CSNK2A2: variants seen among roughly 807,000 people sequenced by gnomAD.
The protein encoded by CSNK2A2 is casein kinase II subunit alpha'.
Under a neutral mutation model 54.0 loss-of-function variants are expected in CSNK2A2, and 8 were observed. The ratio of observed to expected loss-of-function variants is 0.15; its 90% CI spans 0.09 to 0.27. The LOEUF is 0.27. Among genes scored for constraint, CSNK2A2 ranks in the 10% least tolerant of loss-of-function variants. The probability of loss-of-function intolerance (pLI) is 1.00; values close to 1 mark genes in which losing one functional copy is unlikely to be tolerated. For missense variants in CSNK2A2, 242 were observed against 439.4 expected (o/e 0.55, Z 4.02); for synonymous variants, 141 against 153.9 (o/e 0.92, Z 0.62).
intron 5 of CSNK2A2, among the ~76,000 whole-genome samples, chr16:58,173,227 G>C (rs759732590): frequency 6.6e-6 from 1 of 152,174 alleles, no homozygotes; most frequent in African/African-American, 2.4e-5. Context: ...TCGTGTTTCT[G>C]ATCTTACTGA....
At chr16:58,175,660 T>C (rs980698612) in intron 4 of CSNK2A2, among the ~76,000 whole-genome samples, 3 of 152,202 alleles carry the variant, frequency 2.0e-5, no homozygotes, top group Admixed American at 2.0e-4. Flanking sequence ...ATATTTTTGA[T>C]CCACATATAA....
chr16:58,165,753 CAAG>C lies in CSNK2A2; in HGVS notation c.828-48_828-46del, dbSNP rs1231829101. 3.2e-6 allele frequency: 5 copies of C among 1,584,288 alleles called. No individual in the cohort carries two copies. In the South Asian group the frequency reaches 3.5e-5, roughly 11 times the overall value. The stretch of plus-strand genomic sequence containing the variant: ...ATTAGTAACCAGAGACTAAATTCAA[CAAG>C]AATCCTTATCTACTAGGGCTAAAGC... On this transcript the variant is annotated intron_variant, in intron 9 of 11. Coordinates refer to ENST00000262506, the MANE Select transcript of CSNK2A2 (RefSeq NM_001896.4).
chr16:58,164,245 G>T, intron 10 of CSNK2A2, 98 bp from the exon 11 acceptor site: 2 of 1,095,352 alleles, frequency 1.8e-6, no homozygotes, highest in South Asian at 1.4e-5. Context: ...GAGACAGACT[G>T]ATGGGCAAGC....
intron 9 of CSNK2A2, 57 bp from the exon 10 acceptor site, chr16:58,165,765 T>C (rs1256594199): frequency 6.4e-7 from 1 of 1,565,552 alleles, no homozygotes; most frequent in Admixed American, 1.8e-5. Flanking sequence ...AGAATCCTTA[T>C]CTACTAGGGC....
chr16:58,167,968 C>G (rs1597110647), intron 6 of CSNK2A2, among the ~76,000 whole-genome samples, 173 bp from the exon 7 acceptor site: 2 of 152,280 alleles, frequency 1.3e-5, no homozygotes, highest in African/African-American at 4.8e-5. Flanking sequence ...ATTTTTAGAG[C>G]AGAACACTTG....
chr16:58,197,574 G>A lies in CSNK2A2; in HGVS notation c.104+59C>T, dbSNP rs983201321. 2.4e-6 allele frequency: 3 copies of A among 1,255,790 alleles called. No individual in the cohort carries two copies. Among genetic ancestry groups the A allele is most frequent in the Admixed American group, 4.5e-5 (2 of 44,892 alleles). 77.8% of individuals were successfully genotyped at this position (1,255,790 alleles called of 1,614,324 possible). A position where few individuals can be genotyped will look rare whatever the true frequency, so the allele number is the denominator to read the frequency against. ...CACCGGGCCCGAGTGCGGTTCGCAG[G>A]GGGTGGCCGGGCGGGGGCAGGGATC... On this transcript the variant is annotated intron_variant, in intron 1 of 11. Coordinates refer to ENST00000262506, the MANE Select transcript of CSNK2A2 (RefSeq NM_001896.4). The surrounding 1 kb of genome is among the most constrained non-coding windows in gnomAD (Gnocchi z 4.0).
intron 4 of CSNK2A2, among the ~76,000 whole-genome samples, chr16:58,181,018 A>G (rs1962025074): frequency 1.3e-5 from 2 of 152,212 alleles, no homozygotes; most frequent in Admixed American, 1.3e-4. Context: ...AAAAATACAC[A>G]TCTGCCATCT....
At position 58,169,095 on chromosome 16, in the gene CSNK2A2, T is replaced by C. The variant is rs148480106; in HGVS notation, c.430-402A>G. 7.7e-3 allele frequency among the ~76,000 whole-genome samples: 1,084 copies of C among 140,716 alleles called. 13 individuals are homozygous for C. The highest frequency in any genetic ancestry group is 0.028 in the African/African-American group (1,005 of 35,878). The allele number at this position is 140,716 out of a possible 152,430, so 92.3% of individuals were successfully genotyped here. A position where few individuals can be genotyped will look rare whatever the true frequency, so the allele number is the denominator to read the frequency against. On this transcript the variant is annotated intron_variant, in intron 5 of 11. Coordinates refer to ENST00000262506, the MANE Select transcript of CSNK2A2 (RefSeq NM_001896.4). ...GTGCCTGCCACTACGCCCAGCTAATTTTCTGTATTTTTAGTAGAGACAGGG... is the reference window on the plus strand; with the variant it reads ...GTGCCTGCCACTACGCCCAGCTAATCTTCTGTATTTTTAGTAGAGACAGGG...
chr16:58,168,493 CG>C (rs745555032), intron 6 of CSNK2A2, 116 bp downstream of exon 6: 37 of 692,694 alleles, frequency 5.3e-5, no homozygotes, highest in Non-Finnish European at 7.7e-5. Flanking sequence ...ATCACAGTAA[CG>C]AAAGTTTGCC....
At chr16:58,168,122 G>C (rs1212348586) in intron 6 of CSNK2A2, among the ~76,000 whole-genome samples, 1 of 151,916 alleles carries the variant, frequency 6.6e-6, no homozygotes, top group Non-Finnish European at 1.5e-5. Context: ...ATAGCTTTTC[G>C]TTATAAGCTC....
intron 4 of CSNK2A2, among the ~76,000 whole-genome samples, chr16:58,180,789 C>T (rs1414328024): frequency 2.0e-5 from 3 of 151,962 alleles, no homozygotes; most frequent in Non-Finnish European, 2.9e-5. Context: ...CTGGTATTAA[C>T]GAGGAATGAA....
intron 4 of CSNK2A2, among the ~76,000 whole-genome samples, chr16:58,178,803 T>C (rs1441977046): frequency 6.6e-5 from 10 of 152,206 alleles, no homozygotes; most frequent in Non-Finnish European, 1.3e-4. Context: ...TAGTAGGCCA[T>C]AATTCTGAAC....
At chr16:58,189,536 A>G (rs1048464460) in intron 2 of CSNK2A2, among the ~76,000 whole-genome samples, 17 of 152,190 alleles carry the variant, frequency 1.1e-4, no homozygotes, top group African/African-American at 3.6e-4. Flanking sequence ...CCGGTTATTC[A>G]GCAACAGGTC....
At chr16:58,190,040 GCC>G (rs1450387861) in intron 2 of CSNK2A2, among the ~76,000 whole-genome samples, 3 of 152,116 alleles carry the variant, frequency 2.0e-5, no homozygotes, top group African/African-American at 7.2e-5. Context: ...CCTGTCCAGA[GCC>G]TGTAGCCATT....
intron 2 of CSNK2A2, among the ~76,000 whole-genome samples, chr16:58,188,519 T>C (rs1414564810): frequency 6.6e-6 from 1 of 152,250 alleles, no homozygotes; most frequent in Non-Finnish European, 1.5e-5. Flanking sequence ...GACAACTGAA[T>C]GTAACACATG....
chr16:58,171,263 G>A (rs768493414), intron 5 of CSNK2A2, among the ~76,000 whole-genome samples: 1 of 152,078 alleles, frequency 6.6e-6, no homozygotes, highest in Admixed American at 6.5e-5. Flanking sequence ...GGTGGCTCAC[G>A]CCTGTAATCC....
intron 11 of CSNK2A2, chr16:58,162,252 CTGACA>C (rs1010407781): frequency 2.6e-5 from 4 of 152,302 alleles, no homozygotes; most frequent in African/African-American, 9.6e-5. Flanking sequence ...GTTTTGCTGC[CTGACA>C]TATCAATACA....
chr16:58,168,194 T>C (rs1396371662), intron 6 of CSNK2A2, among the ~76,000 whole-genome samples: 2 of 152,090 alleles, frequency 1.3e-5, no homozygotes, highest in East Asian at 1.9e-4. Flanking sequence ...ATTGCTCTAA[T>C]GATTTATTCG....
intron 11 of CSNK2A2, chr16:58,162,164 A>G (rs1177777088): frequency 6.6e-6 from 1 of 152,222 alleles, no homozygotes; most frequent in African/African-American, 2.4e-5. Context: ...GCAGTGGCAC[A>G]TCTCCCTGAT....
Sources: allele counts gnomAD v4.1 joint callset (sites outside exome capture counted in the v4.1 genomes callset), GRCh38; gene constraint gnomAD v4.1.1; non-coding constraint Gnocchi (gnomAD v3.1); transcripts MANE v1.5; gene names NCBI Gene and HGNC (gene_info 2026-07-23, HGNC 2026-07-21).